UPRT: variants seen among roughly 807,000 people sequenced by gnomAD.
The protein encoded by UPRT is RP11-311P8.3.
In UPRT, 5 loss-of-function variants were observed where a neutral mutation model predicts 22.6. The observed-to-expected ratio is 0.22, with a 90% CI of 0.12 to 0.47. The LOEUF (loss-of-function observed/expected upper bound fraction) is 0.47, where lower values mean the gene tolerates loss of function less well. Ranked by LOEUF, UPRT falls within the 20% of genes least tolerant of loss-of-function variation. UPRT has a pLI of 0.99. For synonymous variants in UPRT, 77 were observed against 87.7 expected (o/e 0.88, Z 0.68); for missense variants, 181 against 239.9 (o/e 0.75, Z 1.62).
At chrX:75,180,695 G>GTTTT (rs61040746) in intron 4 of UPRT, among the ~76,000 whole-genome samples, 1 of 34,659 alleles carries the variant, frequency 2.9e-5, no homozygotes, top group African/African-American at 1.3e-4. Context: ...TTTTTTTTTT[G>GTTTT]TTTTTTTTTT....
chrX:75,249,654 G>C (rs770241340), intron 4 of UPRT, among the ~76,000 whole-genome samples: 1 of 110,951 alleles, frequency 9.0e-6, no homozygotes, highest in East Asian at 2.8e-4. Context: ...AGATCTGTGA[G>C]ACAGAAAGTT....
chrX:75,254,330 A>G lies in UPRT; in HGVS notation c.-446-36694A>G, dbSNP rs199656702. ...AAATAGTCAATGAAATAGCATAAATAAAAAACAATCAAAACTTCAGGAAAC... is the reference window on the plus strand; with the variant it reads ...AAATAGTCAATGAAATAGCATAAATGAAAAACAATCAAAACTTCAGGAAAC... On this transcript the variant is annotated intron_variant, in intron 4 of 13. Transcript: ENST00000652605. Among the ~76,000 whole-genome samples the G allele has an allele frequency of 8.0e-5, 9 of 112,249 alleles. No homozygotes were observed. In the East Asian group the frequency reaches 2.2e-3, roughly 28 times the overall value.
intron 4 of UPRT, among the ~76,000 whole-genome samples, chrX:75,222,594 A>G (rs6655634): frequency 0.032 from 3,544 of 111,364 alleles, 147 homozygotes; most frequent in African/African-American, 0.11. Flanking sequence ...CACAGGCAGA[A>G]GATTCTCTTC....
chrX:75,239,199 G>A (rs1267898283), intron 4 of UPRT, among the ~76,000 whole-genome samples: 1 of 111,248 alleles, frequency 9.0e-6, no homozygotes, highest in Non-Finnish European at 1.9e-5. Flanking sequence ...AAACAAAAGT[G>A]ATAGACCATT....
At chrX:75,196,055 G>A (rs762004640) in intron 4 of UPRT, among the ~76,000 whole-genome samples, 9 of 112,375 alleles carry the variant, frequency 8.0e-5, no homozygotes, top group East Asian at 5.6e-4. Context: ...AAAAAAAGTC[G>A]TTGGAATTTT....
At chrX:75,258,656 G>A (rs1437241521) in intron 4 of UPRT, among the ~76,000 whole-genome samples, 1 of 111,922 alleles carries the variant, frequency 8.9e-6, no homozygotes, top group Non-Finnish European at 1.9e-5. Context: ...CCATCTTCCT[G>A]GGACAGAGCA....
intron 4 of UPRT, among the ~76,000 whole-genome samples, chrX:75,237,033 T>G (rs2082468655): frequency 9.0e-6 from 1 of 111,674 alleles, no homozygotes; most frequent in African/African-American, 3.3e-5. Flanking sequence ...GGGAGAAAAT[T>G]TTCTCAACCT....
intron 4 of UPRT, among the ~76,000 whole-genome samples, chrX:75,196,249 T>A (rs1457874245): frequency 8.9e-6 from 1 of 112,187 alleles, no homozygotes. Context: ...CACTGCAGCT[T>A]TGAACTCCTG....
At chrX:75,294,709 A>G in intron 2 of UPRT, 1 of 589,581 alleles carries the variant, frequency 1.7e-6, no homozygotes, top group Non-Finnish European at 2.2e-6. Context: ...AACAAGATAA[A>G]TGTGGTTGAC....
At chrX:75,168,428 G>A (rs922132365) in intron 4 of UPRT, among the ~76,000 whole-genome samples, 19 of 110,002 alleles carry the variant, frequency 1.7e-4, no homozygotes, top group Non-Finnish European at 3.0e-4. Context: ...TTTGGGTGGG[G>A]GCGGGGTTAT....
intron 4 of UPRT, among the ~76,000 whole-genome samples, chrX:75,184,572 G>A (rs1419394347): frequency 2.8e-5 from 3 of 108,119 alleles, no homozygotes; most frequent in South Asian, 4.2e-4. Flanking sequence ...AAAGGCATTG[G>A]TAGCTTGATG....
At chrX:75,232,504 C>T (rs1379680262) in intron 4 of UPRT, among the ~76,000 whole-genome samples, 1 of 112,707 alleles carries the variant, frequency 8.9e-6, no homozygotes, top group African/African-American at 3.2e-5. Flanking sequence ...AACAAAAAGA[C>T]AGCAGTAACC....
At chrX:75,243,015 T>C (rs1159883499) in intron 4 of UPRT, among the ~76,000 whole-genome samples, 1 of 111,640 alleles carries the variant, frequency 9.0e-6, no homozygotes, top group Non-Finnish European at 1.9e-5. Flanking sequence ...ATGAAGTTTA[T>C]AGTCATCTTA....
intron 4 of UPRT, among the ~76,000 whole-genome samples, chrX:75,262,748 G>A (rs146251413): frequency 8.9e-6 from 1 of 111,864 alleles, no homozygotes; most frequent in Non-Finnish European, 1.9e-5. Context: ...GCAACAAGAA[G>A]AGCTAACTAT....
At chrX:75,185,155 G>A (rs1465093340) in intron 4 of UPRT, among the ~76,000 whole-genome samples, 2 of 111,707 alleles carry the variant, frequency 1.8e-5, no homozygotes, top group Non-Finnish European at 3.8e-5. Flanking sequence ...TTGGCTGTGG[G>A]TTTGTCATAG....
At chrX:75,224,172 C>T (rs1418990609) in intron 4 of UPRT, among the ~76,000 whole-genome samples, 1 of 111,412 alleles carries the variant, frequency 9.0e-6, no homozygotes, top group Non-Finnish European at 1.9e-5. Context: ...TGTCTCTAAT[C>T]ACGCTTTACT....
At chrX:75,165,059 G>A (rs1231662486) in intron 3 of UPRT, among the ~76,000 whole-genome samples, 1 of 89,559 alleles carries the variant, frequency 1.1e-5, no homozygotes, top group African/African-American at 4.3e-5. Context: ...TTTTTTTTTT[G>A]GCTGTCTTGT....
chrX:75,186,607 A>C (rs961502381), intron 4 of UPRT, among the ~76,000 whole-genome samples: 1 of 111,326 alleles, frequency 9.0e-6, no homozygotes, highest in African/African-American at 3.3e-5. Flanking sequence ...GATCTGTCTA[A>C]TGTTGACAGT....
chrX:75,276,943 T>C (rs941973839), intron 1 of UPRT, among the ~76,000 whole-genome samples: 3 of 111,814 alleles, frequency 2.7e-5, no homozygotes, highest in Non-Finnish European at 3.8e-5. Flanking sequence ...CTATTTCTAA[T>C]GGTTTGCCCA....
Sources: allele counts gnomAD v4.1 joint callset (sites outside exome capture counted in the v4.1 genomes callset), GRCh38; gene constraint gnomAD v4.1.1; transcripts MANE v1.5; gene names NCBI Gene and HGNC (gene_info 2026-07-23, HGNC 2026-07-21).